Variants in PSMG2 observed in about 807,000 individuals in gnomAD.
The protein encoded by PSMG2 is proteasome assembly chaperone 2.
Under a neutral mutation model 31.5 loss-of-function variants are expected in PSMG2, and 21 were observed. The ratio of observed to expected loss-of-function variants is 0.67; its 90% CI spans 0.47 to 0.96. The LOEUF (loss-of-function observed/expected upper bound fraction) is 0.96, where lower values mean the gene tolerates loss of function less well. PSMG2 is among the 40% of genes least tolerant of loss of function. PSMG2 has a pLI of 0.00. For missense variants in PSMG2, 318 were observed against 321.2 expected, an observed-to-expected ratio of 0.99 and a Z score of 0.08; for synonymous variants, 120 against 110.4, an observed-to-expected ratio of 1.09 and a Z score of -0.54.
intron 1 of PSMG2, among the ~76,000 whole-genome samples, chr18:12,660,672 G>C (rs577288953): frequency 6.6e-6 from 1 of 152,030 alleles, no homozygotes; most frequent in Non-Finnish European, 1.5e-5. Flanking sequence ...TTCCTTGAGT[G>C]ATGATTTTTT....
At chr18:12,700,015 C>G, upstream of PSMG2, 1 of 533,518 alleles carries the variant, frequency 1.9e-6, no homozygotes, top group East Asian at 3.4e-5. Context: ...GGGTAAGGCC[C>G]TTTCAAAGAA....
chr18:12,714,408 G>T (rs2040358342), intron 3 of PSMG2, among the ~76,000 whole-genome samples: 2 of 151,792 alleles, frequency 1.3e-5, no homozygotes, highest in South Asian at 4.1e-4. Flanking sequence ...TTTTCTTAGA[G>T]ACTCCAATGG....
At chr18:12,674,441 TAAAAAA>T (rs34769779) in intron 1 of PSMG2, 7 of 715,644 alleles carry the variant, frequency 9.8e-6, no homozygotes, top group South Asian at 4.1e-5. Context: ...GACCTTGAGT[TAAAAAA>T]AAAAAAAAAA....
chr18:12,661,630 C>T (rs965237174), intron 1 of PSMG2, among the ~76,000 whole-genome samples: 1 of 151,960 alleles, frequency 6.6e-6, no homozygotes. Context: ...AGAAAATTAG[C>T]CAGGCATGGT....
intron 5 of PSMG2, among the ~76,000 whole-genome samples, chr18:12,722,387 T>A (rs1033217809): frequency 5.3e-5 from 8 of 151,988 alleles, no homozygotes; most frequent in African/African-American, 1.7e-4. Flanking sequence ...CAAGCAGAGC[T>A]GAGTGGAGGA....
chr18:12,723,943 A>G (rs753281497), intron 5 of PSMG2, among the ~76,000 whole-genome samples: 19 of 152,320 alleles, frequency 1.2e-4, no homozygotes, highest in Non-Finnish European at 2.6e-4. Context: ...TGTTCCCGTT[A>G]TTCCAAACTG....
intron 4 of PSMG2, among the ~76,000 whole-genome samples, chr18:12,720,204 C>G (rs1598687498): frequency 6.6e-6 from 1 of 152,276 alleles, no homozygotes; most frequent in South Asian, 2.1e-4. Flanking sequence ...ACCAACAAGC[C>G]AAGAGTTACC....
At chr18:12,725,398 G>A in intron 6 of PSMG2, 41 bp from the exon 7 acceptor site, 4 of 1,435,742 alleles carry the variant, frequency 2.8e-6, no homozygotes, top group Non-Finnish European at 2.9e-6. Context: ...AGATTTGATG[G>A]TAAAGTTTAA....
At chr18:12,699,141 C>G, upstream of PSMG2, 1 of 1,613,976 alleles carries the variant, frequency 6.2e-7, no homozygotes, top group Non-Finnish European at 8.5e-7. Flanking sequence ...TGCAGATGTT[C>G]CAAGAAAGCT....
At chr18:12,706,986 C>T (rs975049561) in intron 2 of PSMG2, among the ~76,000 whole-genome samples, 4 of 151,894 alleles carry the variant, frequency 2.6e-5, no homozygotes, top group African/African-American at 9.7e-5. Flanking sequence ...GACGGAGTCT[C>T]GCTCTCTTGC....
rs554133767 is a variant in PSMG2, at chr18:12,695,019, T to A, written c.-36-11531T>A. Reference sequence around the variant, plus strand: ...CGTGAGCCACCGGCCTATCCTGTAATTCTTATGCTGTCTCAATAAATGTTC... The same window carrying A: ...CGTGAGCCACCGGCCTATCCTGTAAATCTTATGCTGTCTCAATAAATGTTC... On this transcript the variant is annotated intron_variant, in intron 1 of 6. Transcript: ENST00000585331. Among the ~76,000 whole-genome samples, 4 of 152,274 alleles carry A rather than the reference T, an allele frequency of 2.6e-5. No individual in the cohort carries two copies. The East Asian group carries it at 7.7e-4, about 29-fold the overall frequency.
chr18:12,718,454 ATGTT>A (rs1237660924), intron 3 of PSMG2, 59 bp from the exon 4 acceptor site: 59 of 878,750 alleles, frequency 6.7e-5, no homozygotes, highest in East Asian at 2.5e-4. Flanking sequence ...AGTATATAGA[ATGTT>A]TGTATGCTCT....
chr18:12,699,053 G>A, upstream of PSMG2: 10 of 1,614,094 alleles, frequency 6.2e-6, no homozygotes, highest in South Asian at 1.1e-5. Flanking sequence ...AACAGGTTTA[G>A]AACGAAAACG....
chr18:12,691,340 T>C (rs1258429323), intron 1 of PSMG2: 1 of 1,507,006 alleles, frequency 6.6e-7, no homozygotes, highest in Non-Finnish European at 9.0e-7. Context: ...ATAAAATTAT[T>C]CTAATATAAT....
intron 1 of PSMG2, chr18:12,686,319 T>A: frequency 6.2e-7 from 1 of 1,614,068 alleles, no homozygotes; most frequent in South Asian, 1.1e-5. Context: ...TACCTCCTCC[T>A]CCAATAACAG....
intron 1 of PSMG2, chr18:12,673,082 A>G: frequency 9.9e-7 from 1 of 1,007,266 alleles, no homozygotes; most frequent in Non-Finnish European, 1.2e-6. Context: ...TTATATTAAT[A>G]TTTAAACTAC....
At chr18:12,681,862 G>A (rs1383919300) in intron 1 of PSMG2, among the ~76,000 whole-genome samples, 1 of 151,996 alleles carries the variant, frequency 6.6e-6, no homozygotes, top group East Asian at 1.9e-4. Flanking sequence ...TGGGTATGGT[G>A]GTGTGTGCCT....
At chr18:12,667,108 AAG>A (rs2144952379) in intron 1 of PSMG2, among the ~76,000 whole-genome samples, 1 of 152,340 alleles carries the variant, frequency 6.6e-6, no homozygotes, top group South Asian at 2.1e-4. Context: ...TGATTAAAAA[AAG>A]AAAATATTGA....
intron 5 of PSMG2, among the ~76,000 whole-genome samples, chr18:12,722,133 A>T (rs28379733): frequency 6.6e-6 from 1 of 152,114 alleles, no homozygotes; most frequent in South Asian, 2.1e-4. Flanking sequence ...ACTTTGTTGC[A>T]CTTACTTTAC....
Sources: allele counts gnomAD v4.1 joint callset (sites outside exome capture counted in the v4.1 genomes callset), GRCh38; gene constraint gnomAD v4.1.1; transcripts MANE v1.5; gene names NCBI Gene and HGNC (gene_info 2026-07-23, HGNC 2026-07-21).